The following NAA16 variants were observed in gnomAD, a reference collection of about 807,000 sequenced individuals.
The protein encoded by NAA16 is N-alpha-acetyltransferase 16, NatA auxiliary subunit.
A neutral mutation model predicts 110.3 loss-of-function variants in NAA16; 97 were observed. The ratio of observed to expected loss-of-function variants is 0.88; its 90% CI spans 0.75 to 1.04. NAA16 has a LOEUF of 1.04. Among genes scored for constraint, NAA16 ranks in the 50% least tolerant of loss-of-function variants. The pLI, the probability that NAA16 is intolerant of heterozygous loss-of-function variation, is 0.00. For missense variants in NAA16, 1,017 were observed against 1,005.1 expected, an observed-to-expected ratio of 1.01 and a Z score of -0.16; for synonymous variants, 372 against 330.6, an observed-to-expected ratio of 1.13 and a Z score of -1.36.
rs898429397 is a variant in NAA16 at position 41,320,866 on chromosome 13, C to G, written c.402+42C>G. 6 of 1,524,510 alleles carry G rather than the reference C, an allele frequency of 3.9e-6. No homozygotes were observed. In the South Asian group the frequency reaches 7.7e-5, roughly 20 times the overall value. 94.4% of individuals were successfully genotyped at this position (1,524,510 alleles called of 1,614,324 possible). ...TAAATGTACATGATTTTACAGTAGA[C>G]AAAATTTAAGAGCGTGTCATTTCAG... On this transcript the variant is annotated intron_variant, in intron 4 of 19. Coordinates refer to ENST00000379406, the MANE Select transcript of NAA16 (RefSeq NM_024561.5).
chr13:41,342,675 C>T (rs2042583585), intron 9 of NAA16, among the ~76,000 whole-genome samples: 1 of 152,178 alleles, frequency 6.6e-6, no homozygotes, highest in African/African-American at 2.4e-5. Flanking sequence ...CCATAGTCTG[C>T]TGGTGGTCTG....
chr13:41,336,472 T>TA (rs1449883140), intron 8 of NAA16, among the ~76,000 whole-genome samples, 178 bp from the exon 9 acceptor site: 1 of 152,238 alleles, frequency 6.6e-6, no homozygotes, highest in Admixed American at 6.5e-5. Flanking sequence ...AGATATTTGA[T>TA]ATTGTGCTAA....
intron 19 of NAA16, 23 bp from the exon 20 acceptor site, chr13:41,375,382 G>T (rs977871494): frequency 2.6e-6 from 4 of 1,553,800 alleles, no homozygotes; most frequent in Non-Finnish European, 2.6e-6. Flanking sequence ...TAAATAATTT[G>T]TGTTTTCCTT....
chr13:41,333,080 G>GT (rs1048027459), intron 8 of NAA16, among the ~76,000 whole-genome samples: 1 of 152,082 alleles, frequency 6.6e-6, no homozygotes, highest in African/African-American at 2.4e-5. Flanking sequence ...GGGAAACTGG[G>GT]TTAGACACAG....
rs1566301506 is a variant in NAA16 at position 41,369,290 on chromosome 13, T to C, written c.1947+7T>C. 1 of 1,551,202 alleles carries C rather than the reference T, an allele frequency of 6.4e-7. No individual in the cohort carries two copies. Among genetic ancestry groups the C allele is most frequent in the Admixed American group, 2.2e-5 (1 of 45,120 alleles). On this transcript the variant is annotated splice_region_variant and intron_variant, in intron 15 of 19. Coordinates refer to ENST00000379406, the MANE Select transcript of NAA16 (RefSeq NM_024561.5). ...ACCTGAAAAATTAGAAAGGGTGAGA[T>C]GGGTTTTACTATCTTTGTTATTTGG...
intron 8 of NAA16, among the ~76,000 whole-genome samples, chr13:41,332,470 G>A (rs2042265760): frequency 6.6e-6 from 1 of 152,162 alleles, no homozygotes; most frequent in East Asian, 1.9e-4. Context: ...GTATGTAGCT[G>A]AACTCATTTA....
chr13:41,375,553 T>A lies in NAA16; in HGVS notation c.2546T>A (p.Val849Glu). ...GTGAATGAAGTCGACAATCCTAATG[T>A]GGCACTGAACCATACAGCTAATTAT... ...PAVNEVDNPN[V>E]ALNHTANYDV... Residue 849 changes from valine (V) to glutamate (E), a missense_variant, in exon 20 of 20, where the codon GTG (valine) becomes GAG (glutamate). Val to Glu is a moderately radical substitution (Grantham distance 121, BLOSUM62 -2). Coordinates refer to ENST00000379406, the MANE Select transcript of NAA16 (RefSeq NM_024561.5). The A allele has an allele frequency of 1.9e-6, 3 of 1,614,104 alleles. No individual in the cohort carries two copies. Among genetic ancestry groups the A allele is most frequent in the Non-Finnish European group, 2.5e-6 (3 of 1,179,976 alleles).
At position 41,323,307 on chromosome 13, in the gene NAA16, T is replaced by C. The variant is rs576009753; in HGVS notation, c.537+117T>C. ...AACCTATGGAAAACGGGAAAACTTT[T>C]TGACGTAATTGGAAACAGTTAAAAT... On this transcript the variant is annotated intron_variant, in intron 5 of 19. Transcript: ENST00000379406. The C allele has an allele frequency of 6.6e-5, 65 of 986,224 alleles. No individual in the cohort carries two copies. The Admixed American group carries it at 7.4e-4, about 11-fold the overall frequency. The allele number at this position is 986,224 out of a possible 1,614,324, so 61.1% of individuals were successfully genotyped here. A position where few individuals can be genotyped will look rare whatever the true frequency, so the allele number is the denominator to read the frequency against.
At chr13:41,324,692 T>TC in intron 5 of NAA16, among the ~76,000 whole-genome samples, 1 of 151,642 alleles carries the variant, frequency 6.6e-6, no homozygotes, top group South Asian at 2.1e-4. Context: ...TTTTTTTTTT[T>TC]CCTTTACTTT....
At chr13:41,334,429 T>G (rs2042323462) in intron 8 of NAA16, among the ~76,000 whole-genome samples, 1 of 152,206 alleles carries the variant, frequency 6.6e-6, no homozygotes. Flanking sequence ...AGAATACTAA[T>G]TATATTTTGC....
At position 41,358,806 on chromosome 13, in the gene NAA16, A is replaced by G. The variant is rs767057627; in HGVS notation, c.1258-4A>G. On this transcript the variant is annotated splice_region_variant and splice_polypyrimidine_tract_variant and intron_variant, in intron 11 of 19. Coordinates refer to ENST00000379406, the MANE Select transcript of NAA16 (RefSeq NM_024561.5). ...ATTGTGGTTCCTTTAATTATCTTTTATAGCATATAGGTAATCTCAAAGAAG... is the reference window on the plus strand; with the variant it reads ...ATTGTGGTTCCTTTAATTATCTTTTGTAGCATATAGGTAATCTCAAAGAAG... 1 of 1,569,910 alleles carries G rather than the reference A, an allele frequency of 6.4e-7. No individual in the cohort carries two copies. Among genetic ancestry groups the G allele is most frequent in the Non-Finnish European group, 8.6e-7 (1 of 1,157,572 alleles).
chr13:41,340,918 C>T (rs536869392), intron 9 of NAA16, among the ~76,000 whole-genome samples: 9 of 152,146 alleles, frequency 5.9e-5, no homozygotes, highest in African/African-American at 2.2e-4. Context: ...ACACCCGCCT[C>T]GGCCTCCCAA....
intron 1 of NAA16, among the ~76,000 whole-genome samples, chr13:41,316,467 C>T (rs1024546186): frequency 2.0e-5 from 3 of 151,948 alleles, no homozygotes; most frequent in African/African-American, 7.3e-5. Flanking sequence ...CCACCACACC[C>T]AGCTAATTTT....
Position 41,320,661 on chromosome 13 carries a change from T to G in NAA16, c.245-6T>G. 6.3e-7 allele frequency: 1 copy of G among 1,592,770 alleles called. No individual in the cohort carries two copies. The highest frequency in any genetic ancestry group is 2.1e-4 in the Middle Eastern group (1 of 4,654). ...TGTGTATGTCTTTGTTTCCTTAACT[T>G]AATAGGTTGGCATGTATATGGACTC... On this transcript the variant is annotated splice_polypyrimidine_tract_variant and splice_region_variant and intron_variant, in intron 3 of 19. Transcript: ENST00000379406.
chr13:41,374,499 A>C, intron 18 of NAA16: 2 of 291,582 alleles, frequency 6.9e-6, no homozygotes, highest in Non-Finnish European at 1.3e-5. Context: ...GTGAAGGAAG[A>C]AGCTCTGATT....
intron 13 of NAA16, among the ~76,000 whole-genome samples, chr13:41,366,006 T>C (rs1371442173): frequency 6.6e-6 from 1 of 152,214 alleles, no homozygotes; most frequent in Non-Finnish European, 1.5e-5. Context: ...TTTTAAAATA[T>C]TCTTGTGCTA....
intron 14 of NAA16, 126 bp from the exon 15 acceptor site, chr13:41,368,964 G>C (rs2043261586): frequency 4.5e-6 from 3 of 665,106 alleles, no homozygotes; most frequent in South Asian, 2.7e-5. Context: ...ACTTTGTGGG[G>C]GTGGGGGTCA....
chr13:41,342,057 C>T (rs1379386332), intron 9 of NAA16, among the ~76,000 whole-genome samples: 1 of 151,356 alleles, frequency 6.6e-6, no homozygotes, highest in Non-Finnish European at 1.5e-5. Flanking sequence ...TGGTCTCGAT[C>T]TCCTGACCTC....
At chr13:41,344,507 G>C (rs1195781286) in intron 9 of NAA16, among the ~76,000 whole-genome samples, 3 of 152,324 alleles carry the variant, frequency 2.0e-5, no homozygotes, top group African/African-American at 7.2e-5. Context: ...CTGCAGTGAG[G>C]TGAGGTGTGC....
Sources: allele counts gnomAD v4.1 joint callset (sites outside exome capture counted in the v4.1 genomes callset), GRCh38; gene constraint gnomAD v4.1.1; transcripts MANE v1.5; gene names NCBI Gene and HGNC (gene_info 2026-07-23, HGNC 2026-07-21).